EXOC4: variants seen among roughly 807,000 people sequenced by gnomAD.
The protein encoded by EXOC4 is SEC8-like 1.
Under a neutral mutation model 107.2 loss-of-function variants are expected in EXOC4, and 71 were observed. The observed-to-expected ratio is 0.66, with a 90% CI of 0.55 to 0.81. The LOEUF is 0.81. EXOC4 is among the 30% of genes least tolerant of loss of function. EXOC4 has a pLI of 0.00. For synonymous variants in EXOC4, 456 were observed against 441.2 expected (o/e 1.03, Z -0.42); for missense variants, 1,108 against 1,189.6 (o/e 0.93, Z 1.01).
At chr7:133,431,979 A>G (rs1207712603) in intron 7 of EXOC4, among the ~76,000 whole-genome samples, 1 of 152,110 alleles carries the variant, frequency 6.6e-6, no homozygotes, top group Admixed American at 6.5e-5. Context: ...CCTTTTTGTA[A>G]CTTTTGATCA....
intron 11 of EXOC4, among the ~76,000 whole-genome samples, chr7:133,853,149 C>A (rs1249870128): frequency 6.6e-6 from 1 of 152,124 alleles, no homozygotes; most frequent in African/African-American, 2.4e-5. Flanking sequence ...TCGTCTCCAG[C>A]TTCTTTGGAA....
At chr7:133,622,619 T>C (rs1425930484) in intron 9 of EXOC4, among the ~76,000 whole-genome samples, 1 of 152,186 alleles carries the variant, frequency 6.6e-6, no homozygotes, top group East Asian at 1.9e-4. Context: ...TATATTTATA[T>C]ATATAGGACA....
intron 10 of EXOC4, among the ~76,000 whole-genome samples, chr7:133,653,333 A>ATCTACCTATAACAGTTGAGAATACTC (rs1443063323): frequency 1.3e-5 from 2 of 152,218 alleles, no homozygotes; most frequent in Non-Finnish European, 2.9e-5. Context: ...TTGCCATGAT[A>ATCTACCTATAACAGTTGAGAATACTC]AAATGCTCTC....
intron 9 of EXOC4, among the ~76,000 whole-genome samples, chr7:133,549,160 G>T (rs1040682276): frequency 6.6e-6 from 1 of 151,992 alleles, no homozygotes; most frequent in African/African-American, 2.4e-5. Context: ...TGCATCACCA[G>T]TTTGGTTTTT....
intron 5 of EXOC4, among the ~76,000 whole-genome samples, chr7:133,328,357 C>T (rs1474731499): frequency 4.6e-5 from 7 of 152,088 alleles, no homozygotes; most frequent in Admixed American, 4.6e-4. Flanking sequence ...ATACAGCACA[C>T]TGCTGGGTCT....
chr7:133,501,155 A>G (rs76056019), intron 9 of EXOC4, among the ~76,000 whole-genome samples: 2,434 of 152,288 alleles, frequency 0.016, 35 homozygotes, highest in Non-Finnish European at 0.022. Context: ...GTATATATCT[A>G]TATTTCCAGC....
chr7:133,554,265 A>G (rs1439556666), intron 9 of EXOC4, among the ~76,000 whole-genome samples: 2 of 152,194 alleles, frequency 1.3e-5, no homozygotes, highest in Non-Finnish European at 2.9e-5. Context: ...ATTTAATACT[A>G]TTCCCTAGAA....
At chr7:133,605,853 G>A (rs955125632) in intron 9 of EXOC4, among the ~76,000 whole-genome samples, 1 of 152,066 alleles carries the variant, frequency 6.6e-6, no homozygotes, top group African/African-American at 2.4e-5. Context: ...AGGGAGGTTC[G>A]GGAGTTGAGC....
chr7:133,272,340 C>T (rs1040614259), intron 1 of EXOC4, among the ~76,000 whole-genome samples: 2 of 152,056 alleles, frequency 1.3e-5, no homozygotes, highest in Admixed American at 1.3e-4. Flanking sequence ...TTTAAATCCC[C>T]GTACTATTCC....
intron 3 of EXOC4, among the ~76,000 whole-genome samples, chr7:133,305,483 C>CT (rs998556874): frequency 2.0e-5 from 3 of 151,886 alleles, no homozygotes; most frequent in African/African-American, 7.3e-5. Flanking sequence ...ATATAGTGTG[C>CT]TTTTTTTTAA....
intron 14 of EXOC4, among the ~76,000 whole-genome samples, chr7:133,954,784 G>T (rs987973908): frequency 3.8e-4 from 58 of 152,352 alleles, no homozygotes; most frequent in African/African-American, 1.3e-3. Flanking sequence ...AGCAAGAGGG[G>T]TGTGAGCAAG....
At chr7:134,081,817 A>G in the EXOC4 span, among the ~76,000 whole-genome samples, 1 of 152,154 alleles carries the variant, frequency 6.6e-6, no homozygotes, top group Non-Finnish European at 1.5e-5. Flanking sequence ...GAGGTGAAGG[A>G]GGTGATGATA....
intron 4 of EXOC4, among the ~76,000 whole-genome samples, chr7:133,310,809 C>T (rs1221609440): frequency 6.6e-6 from 1 of 152,156 alleles, no homozygotes; most frequent in Non-Finnish European, 1.5e-5. Context: ...TTTGCTGAGC[C>T]TGGGTAATGC....
intron 10 of EXOC4, among the ~76,000 whole-genome samples, chr7:133,693,632 A>G (rs1231490268): frequency 6.6e-6 from 1 of 152,004 alleles, no homozygotes; most frequent in Non-Finnish European, 1.5e-5. Context: ...TCCAGGGCCC[A>G]CTCTCTTGAT....
At chr7:133,589,987 G>A (rs529290342) in intron 9 of EXOC4, among the ~76,000 whole-genome samples, 5 of 152,188 alleles carry the variant, frequency 3.3e-5, no homozygotes, top group African/African-American at 7.2e-5. Context: ...TGAGGAGAGC[G>A]GAATTTATTA....
intron 5 of EXOC4, among the ~76,000 whole-genome samples, chr7:133,325,187 A>T (rs544356039): frequency 6.6e-6 from 1 of 152,126 alleles, no homozygotes; most frequent in Admixed American, 6.5e-5. Context: ...GTTTCTTTTC[A>T]TTGGAGCATT....
rs143344030 is a variant in EXOC4 at position 133,975,841 on chromosome 7, T to A, written c.2207-21651T>A. Among the ~76,000 whole-genome samples the A allele has an allele frequency of 4.6e-5, 7 of 151,934 alleles. No homozygotes were observed. The East Asian group carries it at 1.4e-3, about 29-fold the overall frequency. On this transcript the variant is annotated intron_variant, in intron 14 of 17. Transcript: ENST00000253861. ...CATTTTTACAAATTGGGAAACTGAG[T>A]CACAGGTAGAGTAAAATAACTCAAA...
In EXOC4 at chr7:133,565,551, G is replaced by T. The variant is rs1456673904; in HGVS notation, c.1418-64494G>T. ...AGTTTTCGTGATTCAGTAGCCCTAG[G>T]GTAGAGTTGCCAGATAAAATACAGA... On this transcript the variant is annotated intron_variant, in intron 9 of 17. Transcript: ENST00000253861. 4.6e-5 allele frequency among the ~76,000 whole-genome samples: 7 copies of T among 152,148 alleles called. No homozygotes were observed. In the South Asian group the frequency reaches 1.2e-3, roughly 27 times the overall value.
chr7:133,375,464 C>T (rs1382351055), intron 7 of EXOC4, among the ~76,000 whole-genome samples: 1 of 151,830 alleles, frequency 6.6e-6, no homozygotes, highest in African/African-American at 2.4e-5. Context: ...CAGAGTGAGA[C>T]TCCGTCTAAA....
Sources: gnomAD v4.1 joint callset for allele counts (sites outside exome capture counted in the v4.1 genomes callset) on GRCh38, gnomAD v4.1.1 for gene constraint, MANE v1.5 for transcripts, NCBI Gene and HGNC (gene_info 2026-07-23, HGNC 2026-07-21) for gene names.